Variants in CACHD1 observed in about 807,000 individuals in gnomAD.
CACHD1 encodes the protein VWFA and cache domain-containing protein 1.
Under a neutral mutation model 138.7 loss-of-function variants are expected in CACHD1, and 71 were observed. That is an observed-to-expected ratio of 0.51 (90% CI 0.42 to 0.62). CACHD1 has a LOEUF of 0.62. Among genes scored for constraint, CACHD1 ranks in the 20% least tolerant of loss-of-function variants. The pLI, the probability that CACHD1 is intolerant of heterozygous loss-of-function variation, is 0.00. For synonymous variants in CACHD1, 578 were observed against 591.5 expected (o/e 0.98, Z 0.33); for missense variants, 1,389 against 1,625.3 (o/e 0.85, Z 2.50).
At chr1:64,549,156 C>T (rs1557487748) in intron 1 of CACHD1, among the ~76,000 whole-genome samples, 2 of 152,272 alleles carry the variant, frequency 1.3e-5, no homozygotes, top group East Asian at 3.9e-4. Flanking sequence ...AAATATGCTT[C>T]AGTTTCCTCA....
chr1:64,543,594 T>C (rs1465512555), intron 1 of CACHD1, among the ~76,000 whole-genome samples: 1 of 151,372 alleles, frequency 6.6e-6, no homozygotes. Flanking sequence ...ATTTTAAAAG[T>C]GACCAAGATC....
chr1:64,477,924 G>A lies in CACHD1; in HGVS notation c.198+6982G>A, dbSNP rs914289570. On this transcript the variant is annotated intron_variant, in intron 1 of 26. Coordinates refer to ENST00000651257, the MANE Select transcript of CACHD1 (RefSeq NM_020925.4). ...GCTGGGATTACAGGCGTGAGCCACC[G>A]CGCCCGGCCCCCCCAGATTATTTTG... Among the ~76,000 whole-genome samples, 62 of 151,918 alleles carry A rather than the reference G, an allele frequency of 4.1e-4. No individual in the cohort carries two copies. The East Asian group carries it at 0.011, about 28-fold the overall frequency.
rs142562825 is a variant in CACHD1 at position 64,642,635 on chromosome 1, A to G, written c.1156+666A>G. Among the ~76,000 whole-genome samples, 134 of 152,276 alleles carry G rather than the reference A, an allele frequency of 8.8e-4. 1 individual carries two copies. The highest frequency in any genetic ancestry group is 3.2e-3 in the African/African-American group (132 of 41,560). Reference sequence around the variant, plus strand: ...ACCTGTCCGCTAGTCTGAGTGCAGCACAGTTTTCTAGCTGTATTGTATCTC... The same window carrying G: ...ACCTGTCCGCTAGTCTGAGTGCAGCGCAGTTTTCTAGCTGTATTGTATCTC... On this transcript the variant is annotated intron_variant, in intron 8 of 26. Coordinates refer to ENST00000651257, the MANE Select transcript of CACHD1 (RefSeq NM_020925.4).
chr1:64,507,972 A>G (rs1423537702), intron 1 of CACHD1, among the ~76,000 whole-genome samples: 1 of 152,172 alleles, frequency 6.6e-6, no homozygotes, highest in Non-Finnish European at 1.5e-5. Context: ...TATAAAGAAA[A>G]GTGGTTTAAT....
intron 7 of CACHD1, among the ~76,000 whole-genome samples, chr1:64,639,975 C>A (rs1003697893): frequency 6.6e-6 from 1 of 152,212 alleles, no homozygotes; most frequent in Non-Finnish European, 1.5e-5. Flanking sequence ...CTCACTCACA[C>A]TTTTGCTGGC....
chr1:64,625,892 A>G (rs1001969418), intron 4 of CACHD1, among the ~76,000 whole-genome samples: 6 of 152,238 alleles, frequency 3.9e-5, no homozygotes, highest in African/African-American at 9.6e-5. Flanking sequence ...ATTAAATGCT[A>G]TATGTGGGAG....
intron 1 of CACHD1, among the ~76,000 whole-genome samples, chr1:64,497,456 G>T (rs1364907376): frequency 6.6e-6 from 1 of 152,158 alleles, no homozygotes; most frequent in Non-Finnish European, 1.5e-5. Context: ...GGAAAGTAGG[G>T]AAAGATGGAA....
intron 3 of CACHD1, among the ~76,000 whole-genome samples, chr1:64,597,156 G>C (rs946490193): frequency 2.0e-5 from 3 of 152,140 alleles, no homozygotes; most frequent in African/African-American, 7.2e-5. Context: ...CTGAAAAGTT[G>C]ATTTACACTG....
Position 64,643,033 on chromosome 1 carries a change from G to T in CACHD1, c.1156+1064G>T, listed in dbSNP as rs1439288363. On this transcript the variant is annotated intron_variant, in intron 8 of 26. Coordinates refer to ENST00000651257, the MANE Select transcript of CACHD1 (RefSeq NM_020925.4). ...CAGCCTGGTGACAGAGCAAGACTCTGTCTAAAAAAAAAAAAAAAAAAAAAA... is the reference window on the plus strand; with the variant it reads ...CAGCCTGGTGACAGAGCAAGACTCTTTCTAAAAAAAAAAAAAAAAAAAAAA... Among the ~76,000 whole-genome samples the T allele has an allele frequency of 1.0e-4, 6 of 60,110 alleles. No individual in the cohort carries two copies. The East Asian group carries it at 3.6e-3, about 37-fold the overall frequency. 39.4% of individuals were successfully genotyped at this position (60,110 alleles called of 152,430 possible).
chr1:64,558,682 G>A (rs1032203579), intron 2 of CACHD1, among the ~76,000 whole-genome samples: 6 of 152,078 alleles, frequency 3.9e-5, no homozygotes, highest in Non-Finnish European at 7.4e-5. Flanking sequence ...TCTGCACAGC[G>A]AAAGAAGCTA....
At position 64,578,086 on chromosome 1, in the gene CACHD1, A is replaced by G. The variant is rs113675311; in HGVS notation, c.262-4070A>G. On this transcript the variant is annotated intron_variant, in intron 2 of 26. Coordinates refer to ENST00000651257, the MANE Select transcript of CACHD1 (RefSeq NM_020925.4). ...TTGCCTTGTTTGATTATGTTAACAG[A>G]AATTCTCAGCCTGTGTGATTTGTCA... is the stretch of plus-strand genomic sequence containing the variant. 4.3e-3 allele frequency among the ~76,000 whole-genome samples: 654 copies of G among 152,328 alleles called. 7 individuals carry two copies. Among genetic ancestry groups the G allele is most frequent in the African/African-American group, 0.015 (612 of 41,576 alleles).
At chr1:64,492,823 A>G (rs1229184166) in intron 1 of CACHD1, among the ~76,000 whole-genome samples, 1 of 152,172 alleles carries the variant, frequency 6.6e-6, no homozygotes, top group Non-Finnish European at 1.5e-5. Flanking sequence ...AGAACAGGAA[A>G]TTTATCCTTG....
chr1:64,514,039 A>G (rs1360700992), intron 1 of CACHD1, among the ~76,000 whole-genome samples: 2 of 152,222 alleles, frequency 1.3e-5, no homozygotes, highest in East Asian at 1.9e-4. Context: ...TTAAAAAACA[A>G]TTGGAGGAAA....
At chr1:64,518,456 T>A (rs974367015) in intron 1 of CACHD1, among the ~76,000 whole-genome samples, 2 of 152,210 alleles carry the variant, frequency 1.3e-5, no homozygotes, top group African/African-American at 2.4e-5. Context: ...CTCATTTATG[T>A]CCTATTATTC....
intron 1 of CACHD1, among the ~76,000 whole-genome samples, chr1:64,549,270 C>T (rs945672771): frequency 2.6e-5 from 4 of 152,052 alleles, no homozygotes; most frequent in Admixed American, 2.6e-4. Flanking sequence ...TGTAAGTATT[C>T]AGTAGATATT....
chr1:64,634,134 A>G lies in CACHD1; in HGVS notation c.880A>G (p.Lys294Glu). 1 of 1,614,018 alleles carries G rather than the reference A, an allele frequency of 6.2e-7. No homozygotes were observed. Among genetic ancestry groups the G allele is most frequent in the Non-Finnish European group, 8.5e-7 (1 of 1,179,988 alleles). ...CTTGTCTCCAGCCACCAGTGAGACA[A>G]AAAGGAAAATGTCCACCTTTGTTAG... ...TFLSPATSET[K>E]RKMSTFVSSV... Residue 294 changes from lysine to glutamate, a missense_variant, in exon 7 of 27, where the codon AAA becomes GAA. By Grantham distance (56) the Lys-to-Glu change is moderately conservative. This residue lies in a region of CACHD1 where 1,000 missense variants were observed against 1,114.7 expected (regional missense o/e 0.90). Coordinates refer to ENST00000651257, the MANE Select transcript of CACHD1 (RefSeq NM_020925.4).
At chr1:64,629,761 G>C (rs1158500694) in intron 5 of CACHD1, among the ~76,000 whole-genome samples, 1 of 152,072 alleles carries the variant, frequency 6.6e-6, no homozygotes, top group Non-Finnish European at 1.5e-5. Flanking sequence ...AGAGTGTTTT[G>C]AGTTTCAGAA....
In CACHD1 at chr1:64,470,968, C is replaced by T. The variant is rs1439252410; in HGVS notation, c.198+26C>T. 2 of 1,565,994 alleles carry T rather than the reference C, an allele frequency of 1.3e-6. No individual in the cohort carries two copies. The highest frequency in any genetic ancestry group is 1.2e-5 in the South Asian group (1 of 82,818). ...GTAAGTGGCCCCCGAGCTGGCCAGA[C>T]ATCCCGCCTTTCTCCTTTGCTCAAA... On this transcript the variant is annotated intron_variant, in intron 1 of 26. Coordinates refer to ENST00000651257, the MANE Select transcript of CACHD1 (RefSeq NM_020925.4). This position sits in a 1 kb window ranked among gnomAD's most constrained non-coding sequence, Gnocchi z 5.2.
chr1:64,473,820 G>T (rs1404737041), intron 1 of CACHD1, among the ~76,000 whole-genome samples: 1 of 152,136 alleles, frequency 6.6e-6, no homozygotes, highest in Non-Finnish European at 1.5e-5. Flanking sequence ...TTATAAAGTA[G>T]CCCTCAAACC....
Sources: allele counts gnomAD v4.1 joint callset (sites outside exome capture counted in the v4.1 genomes callset), GRCh38; gene constraint gnomAD v4.1.1; regional missense constraint gnomAD v4.1.1; non-coding constraint Gnocchi (gnomAD v3.1); transcripts MANE v1.5; gene names NCBI Gene and HGNC (gene_info 2026-07-23, HGNC 2026-07-21).